The following CNTNAP2 variants were observed in gnomAD, a reference collection of about 807,000 sequenced individuals.
The protein encoded by CNTNAP2 is contactin-associated protein-like 2.
In CNTNAP2, 98 loss-of-function variants were observed where a neutral mutation model predicts 155.2. That is an observed-to-expected ratio of 0.63 (90% CI 0.54 to 0.75). The LOEUF (loss-of-function observed/expected upper bound fraction) is 0.75. Ranked by LOEUF, CNTNAP2 falls within the 30% of genes least tolerant of loss-of-function variation. CNTNAP2 has a pLI of 0.00. For synonymous variants in CNTNAP2, 651 were observed against 631.2 expected (o/e 1.03, Z -0.47); for missense variants, 1,727 against 1,688.1 (o/e 1.02, Z -0.40).
chr7:148,383,961 A>C (rs1346831009), intron 22 of CNTNAP2, 73 bp downstream of exon 22: 8 of 1,541,868 alleles, frequency 5.2e-6, no homozygotes, highest in Non-Finnish European at 7.0e-6. Flanking sequence ...TATGGAATGG[A>C]TTTAATAACA....
intron 13 of CNTNAP2, among the ~76,000 whole-genome samples, chr7:147,731,194 C>T (rs1223960743): frequency 6.6e-6 from 1 of 152,138 alleles, no homozygotes; most frequent in East Asian, 1.9e-4. Flanking sequence ...TACTAAACAA[C>T]AGAGTTTCAA....
At chr7:146,950,485 C>T (rs956410347) in intron 3 of CNTNAP2, among the ~76,000 whole-genome samples, 1 of 152,100 alleles carries the variant, frequency 6.6e-6, no homozygotes, top group Non-Finnish European at 1.5e-5. Context: ...TGATCTTCCC[C>T]TCTCTGTGTC....
chr7:146,382,658 T>G (rs1005183132), intron 1 of CNTNAP2, among the ~76,000 whole-genome samples: 1 of 152,160 alleles, frequency 6.6e-6, no homozygotes, highest in Non-Finnish European at 1.5e-5. Flanking sequence ...TGGAGATGCA[T>G]AGAATTCTGT....
chr7:146,533,060 C>T (rs4265109), intron 1 of CNTNAP2, among the ~76,000 whole-genome samples: 29,907 of 145,794 alleles, frequency 0.21, 3,665 homozygotes, highest in East Asian at 0.45. Flanking sequence ...AGAGATCGCA[C>T]CACTGCACTC....
chr7:146,421,099 C>A lies in CNTNAP2; in HGVS notation c.97+304126C>A, dbSNP rs376098943. 7.9e-4 allele frequency among the ~76,000 whole-genome samples: 120 copies of A among 152,098 alleles called. No individual in the cohort carries two copies. In the South Asian group the frequency reaches 9.1e-3, roughly 12 times the overall value. On this transcript the variant is annotated intron_variant, in intron 1 of 23. Transcript: ENST00000361727. ...AAAAGGTATGATGTCAAGAAGAGTA[C>A]AACTGAGCTAAAAATTTGTGAGTTT...
At chr7:146,444,414 A>G (rs573150547) in intron 1 of CNTNAP2, among the ~76,000 whole-genome samples, 88 of 152,302 alleles carry the variant, frequency 5.8e-4, no homozygotes, top group African/African-American at 2.1e-3. Context: ...TTTAAAGGAT[A>G]CAGGTAATAC....
At chr7:147,716,433 A>C (rs1236097947) in intron 13 of CNTNAP2, among the ~76,000 whole-genome samples, 1 of 152,106 alleles carries the variant, frequency 6.6e-6, no homozygotes, top group African/African-American at 2.4e-5. Flanking sequence ...GCACAAAAAA[A>C]CTGGTTAGGA....
chr7:147,774,657 A>G (rs1029328582), intron 13 of CNTNAP2, among the ~76,000 whole-genome samples: 11 of 152,322 alleles, frequency 7.2e-5, no homozygotes, highest in African/African-American at 2.4e-4. Flanking sequence ...GTGAGGACAC[A>G]GCAAGAAGGT....
chr7:146,240,813 G>A (rs183907825), intron 1 of CNTNAP2, among the ~76,000 whole-genome samples: 43 of 152,242 alleles, frequency 2.8e-4, no homozygotes, highest in South Asian at 8.3e-4. Flanking sequence ...TCATTAGCCC[G>A]TTCTTGCTTT....
intron 9 of CNTNAP2, among the ~76,000 whole-genome samples, chr7:147,365,447 T>C (rs2116904058): frequency 6.7e-6 from 1 of 150,346 alleles, no homozygotes; most frequent in African/African-American, 2.4e-5. Flanking sequence ...AAGTCGTTCC[T>C]ATTGTTTCTG....
chr7:146,305,746 A>C (rs976061750), intron 1 of CNTNAP2, among the ~76,000 whole-genome samples: 1 of 152,110 alleles, frequency 6.6e-6, no homozygotes, highest in African/African-American at 2.4e-5. Context: ...CATTTAAAGC[A>C]GCGTGTAGGG....
At chr7:146,927,082 A>C (rs1048313257) in intron 3 of CNTNAP2, among the ~76,000 whole-genome samples, 1 of 152,128 alleles carries the variant, frequency 6.6e-6, no homozygotes, top group Non-Finnish European at 1.5e-5. Context: ...ATCTTGGCAG[A>C]CAACTTACTG....
At chr7:148,355,166 CTTTTTT>C (rs1167992306) in intron 21 of CNTNAP2, among the ~76,000 whole-genome samples, 1,140 of 40,490 alleles carry the variant, frequency 0.028, 1 homozygote, top group African/African-American at 0.034. Context: ...CCGCCAGCTG[CTTTTTT>C]TTTTTTTTTT....
chr7:148,117,695 CT>C (rs111997185), intron 15 of CNTNAP2, among the ~76,000 whole-genome samples: 1,610 of 152,216 alleles, frequency 0.011, 31 homozygotes, highest in African/African-American at 0.037. Context: ...CCAGGGGCTT[CT>C]CCCAATTGTT....
intron 1 of CNTNAP2, among the ~76,000 whole-genome samples, chr7:146,645,298 C>T (rs1799792170): frequency 6.6e-6 from 1 of 152,112 alleles, no homozygotes; most frequent in African/African-American, 2.4e-5. Flanking sequence ...AGTTATAACA[C>T]TAGTCATAGG....
rs143617149 is a variant in CNTNAP2, at chr7:147,516,161, T to C, written c.1777+30120T>C. Among the ~76,000 whole-genome samples, 67 of 152,320 alleles carry C rather than the reference T, an allele frequency of 4.4e-4. 2 individuals are homozygous for C. In the East Asian group the frequency reaches 0.013, roughly 29 times the overall value. On this transcript the variant is annotated intron_variant, in intron 11 of 23. Coordinates refer to ENST00000361727, the MANE Select transcript of CNTNAP2 (RefSeq NM_014141.6). ...AGAAAACTTAATAAAACTCTTATAA[T>C]GTGATTGCCAAAAAATGCACAAATA...
At chr7:147,114,709 A>G (rs1211051216) in intron 5 of CNTNAP2, among the ~76,000 whole-genome samples, 3 of 152,116 alleles carry the variant, frequency 2.0e-5, no homozygotes, top group Non-Finnish European at 4.4e-5. Context: ...GTGTGTTTGC[A>G]TGTGAGATGG....
At chr7:146,685,011 C>T (rs1800571602) in intron 1 of CNTNAP2, among the ~76,000 whole-genome samples, 2 of 152,118 alleles carry the variant, frequency 1.3e-5, no homozygotes, top group Admixed American at 6.5e-5. Context: ...TTCAAGCTCA[C>T]ACCAAATGAC....
intron 1 of CNTNAP2, among the ~76,000 whole-genome samples, chr7:146,181,840 C>T (rs1403310009): frequency 6.6e-6 from 1 of 152,100 alleles, no homozygotes; most frequent in African/African-American, 2.4e-5. Context: ...AGAGAATTTG[C>T]TGGTCAAGCA....
Sources: allele counts gnomAD v4.1 joint callset (sites outside exome capture counted in the v4.1 genomes callset), GRCh38; gene constraint gnomAD v4.1.1; transcripts MANE v1.5; gene names NCBI Gene and HGNC (gene_info 2026-07-23, HGNC 2026-07-21).